Variants in PTPRG observed in about 807,000 individuals in gnomAD.
PTPRG encodes the protein receptor-type tyrosine-protein phosphatase gamma.
Under a neutral mutation model 165.3 loss-of-function variants are expected in PTPRG, and 102 were observed. The observed-to-expected ratio is 0.62, with a 90% CI of 0.53 to 0.73. The LOEUF (loss-of-function observed/expected upper bound fraction) is 0.73, where lower values mean the gene tolerates loss of function less well. PTPRG is among the 30% of genes least tolerant of loss of function. The pLI, the probability that PTPRG is intolerant of heterozygous loss-of-function variation, is 0.00. For synonymous variants in PTPRG, 675 were observed against 669.5 expected (o/e 1.01, Z -0.13); for missense variants, 1,866 against 1,861.4 (o/e 1.00, Z -0.05).
chr3:61,913,703 G>T (rs902800873), intron 2 of PTPRG, among the ~76,000 whole-genome samples: 9 of 152,150 alleles, frequency 5.9e-5, no homozygotes, highest in East Asian at 5.8e-4. Flanking sequence ...ATATCCAGTG[G>T]TCTGTGCCTT....
chr3:62,170,149 G>A (rs142876010), intron 8 of PTPRG, among the ~76,000 whole-genome samples: 1 of 152,146 alleles, frequency 6.6e-6, no homozygotes, highest in African/African-American at 2.4e-5. Flanking sequence ...ATCATTCTCT[G>A]GGAACAATGG....
At position 62,273,224 on chromosome 3, in the gene PTPRG, A is replaced by G; in HGVS notation, c.3318+143A>G. On this transcript the variant is annotated intron_variant, in intron 22 of 29. Transcript: ENST00000474889. The surrounding 1 kb of genome is among the most constrained non-coding windows in gnomAD (Gnocchi z 4.1). ...TGTATTAGAAGATATTCTGACAATG[A>G]TCCTATTCTACGGATCACAGTTTTC... 1 of 975,276 alleles carries G rather than the reference A, an allele frequency of 1.0e-6. No homozygotes were observed. The highest frequency in any genetic ancestry group is 1.5e-6 in the Non-Finnish European group (1 of 688,698). The allele number at this position is 975,276 out of a possible 1,614,324, so 60.4% of individuals were successfully genotyped here.
At chr3:61,747,615 A>G (rs1213785607) in intron 1 of PTPRG, among the ~76,000 whole-genome samples, 1 of 146,678 alleles carries the variant, frequency 6.8e-6, no homozygotes, top group African/African-American at 2.5e-5. Flanking sequence ...AAGTGTAAGC[A>G]TAAAGTACTC....
chr3:62,020,149 A>G (rs994487291), intron 4 of PTPRG, among the ~76,000 whole-genome samples: 5 of 152,200 alleles, frequency 3.3e-5, no homozygotes, highest in Admixed American at 6.5e-5. Flanking sequence ...ATGAAAACAT[A>G]GTCAATATCA....
intron 1 of PTPRG, among the ~76,000 whole-genome samples, chr3:61,695,503 G>A (rs912330982): frequency 2.6e-5 from 4 of 152,320 alleles, no homozygotes; most frequent in Admixed American, 6.5e-5. Context: ...ATGAGAACAA[G>A]TTCCGTTGAC....
chr3:62,119,787 A>ATTTTTT (rs34842750), intron 5 of PTPRG, among the ~76,000 whole-genome samples: 6 of 111,732 alleles, frequency 5.4e-5, no homozygotes, highest in African/African-American at 1.0e-4. Flanking sequence ...CGCCTGGCTA[A>ATTTTTT]TTTTTTTTTT....
chr3:62,004,271 C>T (rs6785475), intron 4 of PTPRG, among the ~76,000 whole-genome samples: 19,095 of 152,092 alleles, frequency 0.13, 1,642 homozygotes, highest in African/African-American at 0.24. Context: ...ATGTGGTAAG[C>T]CTTAGAAGTG....
Position 62,273,146 on chromosome 3 carries a change from T to C in PTPRG, c.3318+65T>C. On this transcript the variant is annotated intron_variant, in intron 22 of 29. Coordinates refer to ENST00000474889, the MANE Select transcript of PTPRG (RefSeq NM_002841.4). This position sits in a 1 kb window ranked among gnomAD's most constrained non-coding sequence, Gnocchi z 4.1. ...AATGCTGTAACTGAAATTTGTTAAA[T>C]GATAATGAAGAGACAGATTCATTCT... 2 of 1,506,886 alleles carry C rather than the reference T, an allele frequency of 1.3e-6. No homozygotes were observed. Among genetic ancestry groups the C allele is most frequent in the Non-Finnish European group, 1.8e-6 (2 of 1,121,582 alleles). 93.3% of individuals were successfully genotyped at this position (1,506,886 alleles called of 1,614,324 possible). A position where few individuals can be genotyped will look rare whatever the true frequency, so the allele number is the denominator to read the frequency against.
rs1553671729 is a variant in PTPRG, at chr3:61,803,479, T to TCATGTTGTCCAACATGGTTCATGTTGTC, written c.190+54508_190+54509insACATGGTTCATGTTGTCCATGTTGTCCA. ...TAGCCATTGTTTTGGACAACATGGT[T>TCATGTTGTCCAACATGGTTCATGTTGTC]CATGTTGTCCATGTTGTCCAACATG... On this transcript the variant is annotated intron_variant, in intron 2 of 29. Coordinates refer to ENST00000474889, the MANE Select transcript of PTPRG (RefSeq NM_002841.4). Among the ~76,000 whole-genome samples the TCATGTTGTCCAACATGGTTCATGTTGTC allele has an allele frequency of 2.1e-4, 27 of 127,360 alleles. No homozygotes were observed. The East Asian group carries it at 6.3e-3, about 30-fold the overall frequency. 83.6% of individuals were successfully genotyped at this position (127,360 alleles called of 152,430 possible).
chr3:61,921,987 A>T (rs1188638498), intron 2 of PTPRG, among the ~76,000 whole-genome samples: 1 of 152,200 alleles, frequency 6.6e-6, no homozygotes, highest in Non-Finnish European at 1.5e-5. Context: ...TCTTTAATGT[A>T]TCAAGCATGA....
chr3:61,986,691 T>C (rs1020292254), intron 2 of PTPRG, among the ~76,000 whole-genome samples: 3 of 152,156 alleles, frequency 2.0e-5, no homozygotes, highest in Non-Finnish European at 4.4e-5. Context: ...CGGACTTGTG[T>C]ACTAGATTGA....
chr3:61,921,144 CTTCCTTCCTTCCTTCCTTCT>C (rs1355608916), intron 2 of PTPRG, among the ~76,000 whole-genome samples: 1 of 151,652 alleles, frequency 6.6e-6, no homozygotes, highest in South Asian at 2.1e-4. Context: ...TCCTTCCTTC[CTTCCTTCCTTCCTTCCTTCT>C]TACCTATCTA....
chr3:61,650,019 G>C (rs1464565206), intron 1 of PTPRG, among the ~76,000 whole-genome samples: 1 of 152,076 alleles, frequency 6.6e-6, no homozygotes, highest in Admixed American at 6.6e-5. Context: ...ACCTAATAAG[G>C]GGAGTCTCTG....
intron 2 of PTPRG, among the ~76,000 whole-genome samples, chr3:61,915,662 CTT>C (rs999977013): frequency 1.3e-5 from 2 of 151,712 alleles, no homozygotes; most frequent in Admixed American, 6.6e-5. Flanking sequence ...CATATTTTTT[CTT>C]TCTTTCTTCT....
chr3:61,714,143 T>G (rs2031699122), intron 1 of PTPRG, among the ~76,000 whole-genome samples: 1 of 152,206 alleles, frequency 6.6e-6, no homozygotes, highest in African/African-American at 2.4e-5. Context: ...CTGTGCCATA[T>G]TTCTGCAAAC....
intron 1 of PTPRG, among the ~76,000 whole-genome samples, chr3:61,639,357 G>A (rs1702002902): frequency 6.6e-6 from 1 of 152,140 alleles, no homozygotes; most frequent in Admixed American, 6.5e-5. Flanking sequence ...ATCTAACTGT[G>A]TTCTTTTTGC....
In PTPRG at chr3:61,742,575, C is replaced by T. The variant is rs1025211489; in HGVS notation, c.86-6303C>T. 3.8e-5 allele frequency: 61 copies of T among 1,590,270 alleles called. 1 individual carries two copies. The highest frequency in any genetic ancestry group is 4.5e-5 in the Non-Finnish European group (53 of 1,169,754). On this transcript the variant is annotated intron_variant, in intron 1 of 29. Coordinates refer to ENST00000474889, the MANE Select transcript of PTPRG (RefSeq NM_002841.4). ...CAGCCAGGTGAATGTTATACACAAG[C>T]TCATCGGCTGTCATCTTCACGTGAC...
chr3:61,804,692 A>AAAT (rs1019412932), intron 2 of PTPRG, among the ~76,000 whole-genome samples: 6 of 151,604 alleles, frequency 4.0e-5, no homozygotes, highest in African/African-American at 1.2e-4. Context: ...AAAAAAAAAA[A>AAAT]AAATAAAATC....
At chr3:62,160,501 G>T (rs993776251) in intron 7 of PTPRG, among the ~76,000 whole-genome samples, 1 of 152,176 alleles carries the variant, frequency 6.6e-6, no homozygotes, top group African/African-American at 2.4e-5. Context: ...AAACAAAATG[G>T]GTCACCCCAA....
Sources: gnomAD v4.1 joint callset for allele counts (sites outside exome capture counted in the v4.1 genomes callset) on GRCh38, gnomAD v4.1.1 for gene constraint, Gnocchi (gnomAD v3.1) non-coding constraint, MANE v1.5 for transcripts, NCBI Gene and HGNC (gene_info 2026-07-23, HGNC 2026-07-21) for gene names.